The following FBXL20 variants were observed in gnomAD, a reference collection of about 807,000 sequenced individuals.
FBXL20 encodes the protein F-box and leucine rich repeat protein 20, also known as F-box/LRR-repeat protein 20.
Under a neutral mutation model 64.0 loss-of-function variants are expected in FBXL20, and 11 were observed. That is an observed-to-expected ratio of 0.17 (90% CI 0.11 to 0.28). The LOEUF is 0.28. Ranked by LOEUF, FBXL20 falls within the 10% of genes least tolerant of loss-of-function variation. The probability of loss-of-function intolerance (pLI) is 1.00; values close to 1 mark genes in which losing one functional copy is unlikely to be tolerated. For synonymous variants in FBXL20, 184 were observed against 189.0 expected (o/e 0.97, Z 0.22); for missense variants, 303 against 526.2 (o/e 0.58, Z 4.15).
Position 39,261,287 on chromosome 17 carries a change from G to A in FBXL20, c.*173C>T. On this transcript the variant is annotated 3_prime_UTR_variant, in exon 15 of 15. Coordinates refer to ENST00000264658, the MANE Select transcript of FBXL20 (RefSeq NM_032875.3). ...CATGGTCACAAAGCTAGAGTGGATG[G>A]GGGTAAGGGTGTGTATGTGTATGTA... 1 of 579,716 alleles carries A rather than the reference G, an allele frequency of 1.7e-6. No homozygotes were observed. Among genetic ancestry groups the A allele is most frequent in the Non-Finnish European group, 3.1e-6 (1 of 320,794 alleles). 35.9% of individuals were successfully genotyped at this position (579,716 alleles called of 1,614,324 possible). A position where few individuals can be genotyped will look rare whatever the true frequency, so the allele number is the denominator to read the frequency against.
chr17:39,299,195 C>A (rs2047112643), intron 4 of FBXL20, 111 bp from the exon 5 acceptor site: 1 of 740,832 alleles, frequency 1.3e-6, no homozygotes, highest in Non-Finnish European at 2.2e-6. Flanking sequence ...TCTATTATGA[C>A]CTAATTTAAT....
intron 1 of FBXL20, among the ~76,000 whole-genome samples, chr17:39,393,513 T>C (rs1035165182): frequency 6.6e-6 from 1 of 152,150 alleles, no homozygotes; most frequent in African/African-American, 2.4e-5. Flanking sequence ...AGCACCATAG[T>C]AATGCCTAAG....
At chr17:39,276,221 GAAAAA>G (rs1215336803) in intron 9 of FBXL20, among the ~76,000 whole-genome samples, 11 of 60,578 alleles carry the variant, frequency 1.8e-4, no homozygotes, top group East Asian at 5.1e-4. Flanking sequence ...AGCAAGAAAA[GAAAAA>G]AAAAAAAAAA....
intron 1 of FBXL20, among the ~76,000 whole-genome samples, chr17:39,344,589 C>T (rs1192867276): frequency 6.6e-6 from 1 of 151,306 alleles, no homozygotes; most frequent in Non-Finnish European, 1.5e-5. Flanking sequence ...AGTTCGAGAC[C>T]AGCCTGGCCA....
chr17:39,359,780 T>C (rs2047776881), intron 1 of FBXL20, among the ~76,000 whole-genome samples: 1 of 152,222 alleles, frequency 6.6e-6, no homozygotes, highest in Admixed American at 6.5e-5. Context: ...CGGCAATTCC[T>C]ATTCTTATTC....
chr17:39,378,766 C>G (rs770724622), intron 1 of FBXL20, among the ~76,000 whole-genome samples: 13 of 151,648 alleles, frequency 8.6e-5, no homozygotes, highest in Non-Finnish European at 1.8e-4. Flanking sequence ...CCCACCACCA[C>G]GCCCAGCTAA....
At chr17:39,324,450 G>A (rs1400169642) in intron 2 of FBXL20, among the ~76,000 whole-genome samples, 1 of 151,296 alleles carries the variant, frequency 6.6e-6, no homozygotes, top group African/African-American at 2.4e-5. Flanking sequence ...CACCACACCC[G>A]GCTAATTTTT....
intron 2 of FBXL20, among the ~76,000 whole-genome samples, chr17:39,342,479 G>C (rs995170698): frequency 1.3e-5 from 2 of 152,126 alleles, no homozygotes; most frequent in African/African-American, 4.8e-5. Flanking sequence ...ACTTTGGGAG[G>C]CCAAAGTAGG....
intron 1 of FBXL20, 119 bp downstream of exon 1, chr17:39,401,242 C>T: frequency 6.4e-7 from 1 of 1,570,778 alleles, no homozygotes; most frequent in Non-Finnish European, 8.6e-7. Context: ...GTCTGGCAGC[C>T]CCGCCAGTGG....
intron 2 of FBXL20, among the ~76,000 whole-genome samples, chr17:39,338,816 A>T (rs2047554240): frequency 6.6e-6 from 1 of 152,218 alleles, no homozygotes; most frequent in Non-Finnish European, 1.5e-5. Context: ...AAACAAGAGT[A>T]AACATCAGAC....
At chr17:39,349,941 A>T (rs1046475127) in intron 1 of FBXL20, among the ~76,000 whole-genome samples, 1 of 151,878 alleles carries the variant, frequency 6.6e-6, no homozygotes, top group Non-Finnish European at 1.5e-5. Context: ...GTCTCAAAAA[A>T]AAAAAAAAAA....
rs928831166 is a variant in FBXL20 at position 39,334,006 on chromosome 17, G to C, written c.104+9174C>G. Among the ~76,000 whole-genome samples, 3 of 152,088 alleles carry C rather than the reference G, an allele frequency of 2.0e-5. No homozygotes were observed. The South Asian group carries it at 6.2e-4, about 32-fold the overall frequency. On this transcript the variant is annotated intron_variant, in intron 2 of 14. Transcript: ENST00000264658. Reference sequence around the variant, plus strand: ...CTCATTGAGAACGGGCCACGATGACGATGGCAGTTTGGTCGAACAGAAAAG... The same window carrying C: ...CTCATTGAGAACGGGCCACGATGACCATGGCAGTTTGGTCGAACAGAAAAG...
intron 2 of FBXL20, among the ~76,000 whole-genome samples, chr17:39,324,008 A>ACCCCCCCCCCCCCCCCCCCCC (rs138382317): frequency 7.7e-6 from 1 of 129,046 alleles, no homozygotes; most frequent in African/African-American, 3.4e-5. Flanking sequence ...TCGTGATCCA[A>ACCCCCCCCCCCCCCCCCCCCC]CCCCCTCCCC....
chr17:39,308,055 C>T (rs1433832858), intron 2 of FBXL20, among the ~76,000 whole-genome samples: 3 of 151,276 alleles, frequency 2.0e-5, no homozygotes, highest in Non-Finnish European at 4.4e-5. Flanking sequence ...GAAGCCAGGC[C>T]AGGCATGGTG....
At position 39,362,885 on chromosome 17, in the gene FBXL20, T is replaced by G. The variant is rs1278428070; in HGVS notation, c.43-19644A>C. On this transcript the variant is annotated intron_variant, in intron 1 of 14. Transcript: ENST00000264658. ...TGCCTGCCTCGGCCTCCCAAAGTGC[T>G]GGGATTACAGGTGTGAGCCACTGCG... Among the ~76,000 whole-genome samples, 3 of 152,202 alleles carry G rather than the reference T, an allele frequency of 2.0e-5. No individual in the cohort carries two copies. In the South Asian group the frequency reaches 6.2e-4, roughly 31 times the overall value.
intron 12 of FBXL20, among the ~76,000 whole-genome samples, chr17:39,265,896 C>T (rs916517250): frequency 7.9e-4 from 120 of 151,758 alleles, no homozygotes; most frequent in Non-Finnish European, 6.6e-4. Context: ...GTGTGCACCA[C>T]CATGCCCAAG....
intron 1 of FBXL20, among the ~76,000 whole-genome samples, chr17:39,386,161 G>T (rs1354908443): frequency 8.6e-5 from 13 of 150,504 alleles, no homozygotes; most frequent in Non-Finnish European, 1.9e-4. Flanking sequence ...GGCTAACACA[G>T]TGAAACCCGG....
At chr17:39,330,466 T>C (rs181485670) in intron 2 of FBXL20, among the ~76,000 whole-genome samples, 185 of 151,698 alleles carry the variant, frequency 1.2e-3, no homozygotes, top group Non-Finnish European at 1.2e-3. Flanking sequence ...CTACAAAAAT[T>C]AGCCGGACAT....
At chr17:39,338,269 G>A (rs983037657) in intron 2 of FBXL20, among the ~76,000 whole-genome samples, 7 of 152,196 alleles carry the variant, frequency 4.6e-5, no homozygotes, top group African/African-American at 1.7e-4. Flanking sequence ...AACATGTGCT[G>A]TGTCCACTCA....
Sources: allele counts gnomAD v4.1 joint callset (sites outside exome capture counted in the v4.1 genomes callset), GRCh38; gene constraint gnomAD v4.1.1; transcripts MANE v1.5; gene names NCBI Gene and HGNC (gene_info 2026-07-23, HGNC 2026-07-21).